DLGAP2: variants seen among roughly 807,000 people sequenced by gnomAD.
The protein encoded by DLGAP2 is disks large-associated protein 2.
A neutral mutation model predicts 100.3 loss-of-function variants in DLGAP2; 26 were observed. The observed-to-expected ratio is 0.26, with a 90% CI of 0.19 to 0.36. The LOEUF is 0.36. Among genes scored for constraint, DLGAP2 ranks in the 10% least tolerant of loss-of-function variants. DLGAP2 has a pLI of 1.00. For missense variants in DLGAP2, 1,858 were observed against 1,453.2 expected (o/e 1.28, Z -4.53); for synonymous variants, 886 against 630.1 (o/e 1.41, Z -6.08).
chr8:1,545,124 C>T (rs1348810292), intron 4 of DLGAP2, among the ~76,000 whole-genome samples: 1 of 152,106 alleles, frequency 6.6e-6, no homozygotes, highest in Non-Finnish European at 1.5e-5. Flanking sequence ...CAGGGTAATT[C>T]TGGCCCTGAT....
At chr8:1,104,525 C>G (rs1294999757) in intron 2 of DLGAP2, among the ~76,000 whole-genome samples, 8 of 152,200 alleles carry the variant, frequency 5.3e-5, no homozygotes, top group African/African-American at 1.9e-4. Context: ...GACTTGAACT[C>G]TTGACTTAAT....
At chr8:1,452,640 C>A (rs1798194640) in intron 3 of DLGAP2, among the ~76,000 whole-genome samples, 1 of 152,190 alleles carries the variant, frequency 6.6e-6, no homozygotes, top group African/African-American at 2.4e-5. Context: ...AAACAGACCA[C>A]TTAGGAGGCA....
chr8:1,010,249 CAT>C (rs1217006757), intron 2 of DLGAP2, among the ~76,000 whole-genome samples: 2 of 151,966 alleles, frequency 1.3e-5, no homozygotes, highest in South Asian at 2.1e-4. Context: ...CATGTGCCCA[CAT>C]ATGCGCACAC....
At chr8:1,332,833 A>C (rs1326537464) in intron 3 of DLGAP2, among the ~76,000 whole-genome samples, 1 of 152,188 alleles carries the variant, frequency 6.6e-6, no homozygotes, top group African/African-American at 2.4e-5. Context: ...AGCCGGGATG[A>C]ATGAAAATAC....
At chr8:1,640,726 C>T (rs780922553) in intron 8 of DLGAP2, among the ~76,000 whole-genome samples, 1 of 152,152 alleles carries the variant, frequency 6.6e-6, no homozygotes, top group Non-Finnish European at 1.5e-5. Context: ...GCACCAAGAC[C>T]GTCAAACGCT....
At chr8:786,278 G>T (rs1317894706) in intron 1 of DLGAP2, among the ~76,000 whole-genome samples, 1 of 152,174 alleles carries the variant, frequency 6.6e-6, no homozygotes, top group Non-Finnish European at 1.5e-5. Flanking sequence ...AGAGGGTGCA[G>T]TTGGTCCATG....
intron 2 of DLGAP2, among the ~76,000 whole-genome samples, chr8:1,086,117 A>G (rs1803965486): frequency 6.6e-6 from 1 of 152,144 alleles, no homozygotes; most frequent in Non-Finnish European, 1.5e-5. Context: ...TTGATTTTAT[A>G]TCCTGCCATT....
intron 3 of DLGAP2, among the ~76,000 whole-genome samples, chr8:1,437,348 A>T (rs1317399185): frequency 6.6e-6 from 1 of 152,266 alleles, no homozygotes; most frequent in Non-Finnish European, 1.5e-5. Flanking sequence ...CACAACCACG[A>T]GGCCACCTTA....
At chr8:815,156 A>G (rs1040552887) in intron 1 of DLGAP2, among the ~76,000 whole-genome samples, 4 of 152,236 alleles carry the variant, frequency 2.6e-5, no homozygotes, top group Admixed American at 2.6e-4. Flanking sequence ...CTTTATAAAC[A>G]GCAGGAGTTT....
chr8:1,626,706 C>A (rs762461388), intron 6 of DLGAP2, 34 bp from the exon 7 acceptor site: 1 of 1,569,454 alleles, frequency 6.4e-7, no homozygotes, highest in Non-Finnish European at 8.6e-7. Context: ...CGGGTGCTCA[C>A]AGAATGCCTT....
At chr8:1,537,784 A>AGGAAGGAAGGAAGGAAGGAAGGAC (rs1386875952) in intron 4 of DLGAP2, among the ~76,000 whole-genome samples, 1 of 140,982 alleles carries the variant, frequency 7.1e-6, no homozygotes, top group African/African-American at 2.6e-5. Flanking sequence ...GAAGGAAGGA[A>AGGAAGGAAGGAAGGAAGGAAGGAC]GGACAAATGG....
intron 3 of DLGAP2, among the ~76,000 whole-genome samples, chr8:1,489,186 G>T (rs1031695563): frequency 2.6e-5 from 4 of 152,210 alleles, no homozygotes; most frequent in African/African-American, 4.8e-5. Flanking sequence ...CCATGCTGAA[G>T]TTTGAGCTGC....
chr8:1,455,110 G>T (rs1798271143), intron 3 of DLGAP2, among the ~76,000 whole-genome samples: 1 of 152,354 alleles, frequency 6.6e-6, no homozygotes, highest in South Asian at 2.1e-4. Context: ...GGTGGTTTGA[G>T]CAATGTAATG....
At chr8:1,109,124 T>C (rs1191005010) in intron 2 of DLGAP2, among the ~76,000 whole-genome samples, 1 of 106,384 alleles carries the variant, frequency 9.4e-6, no homozygotes, top group Non-Finnish European at 2.0e-5. Context: ...GGTGTGCACG[T>C]GCCTATGAGG....
At chr8:1,291,875 C>G (rs543593713) in intron 3 of DLGAP2, among the ~76,000 whole-genome samples, 1 of 152,324 alleles carries the variant, frequency 6.6e-6, no homozygotes, top group South Asian at 2.1e-4. Flanking sequence ...ACCCAGCCTT[C>G]TCTCCAGTCT....
chr8:1,453,692 G>T (rs773039739), intron 3 of DLGAP2, among the ~76,000 whole-genome samples: 1 of 152,114 alleles, frequency 6.6e-6, no homozygotes, highest in Non-Finnish European at 1.5e-5. Flanking sequence ...CCTGAGAAGC[G>T]GGAGAATCCG....
At chr8:1,484,888 A>T (rs943180699) in intron 3 of DLGAP2, among the ~76,000 whole-genome samples, 1 of 152,108 alleles carries the variant, frequency 6.6e-6, no homozygotes, top group Non-Finnish European at 1.5e-5. Context: ...TCAGCCTTTC[A>T]GCCCCCTCCC....
At chr8:1,456,401 A>G (rs1256949234) in intron 3 of DLGAP2, among the ~76,000 whole-genome samples, 2 of 152,116 alleles carry the variant, frequency 1.3e-5, no homozygotes, top group Admixed American at 6.5e-5. Context: ...CTAAACATCA[A>G]AGCATTTTCA....
intron 4 of DLGAP2, among the ~76,000 whole-genome samples, chr8:1,507,192 C>T (rs543292285): frequency 7.9e-5 from 12 of 152,206 alleles, no homozygotes; most frequent in Non-Finnish European, 1.8e-4. Context: ...TGGGACCGGG[C>T]GCCGCGGAGC....
Sources: gnomAD v4.1 joint callset for allele counts (sites outside exome capture counted in the v4.1 genomes callset) on GRCh38, gnomAD v4.1.1 for gene constraint, MANE v1.5 for transcripts, NCBI Gene and HGNC (gene_info 2026-07-23, HGNC 2026-07-21) for gene names.